KRT13: variants seen among roughly 807,000 people sequenced by gnomAD.
KRT13 encodes the protein keratin, type I cytoskeletal 13.
Under a neutral mutation model 40.6 loss-of-function variants are expected in KRT13, and 27 were observed. That is an observed-to-expected ratio of 0.67 (90% CI 0.49 to 0.92). The LOEUF (loss-of-function observed/expected upper bound fraction) is 0.92, where lower values mean the gene tolerates loss of function less well. Among genes scored for constraint, KRT13 ranks in the 40% least tolerant of loss-of-function variants. The pLI, the probability that KRT13 is intolerant of heterozygous loss-of-function variation, is 0.00. For missense variants in KRT13, 605 were observed against 611.5 expected (o/e 0.99, Z 0.11); for synonymous variants, 266 against 240.3 (o/e 1.11, Z -0.99).
chr17:41,503,555 G>A, intron 2 of KRT13, 88 bp downstream of exon 2: 7 of 1,524,208 alleles, frequency 4.6e-6, no homozygotes, highest in Non-Finnish European at 6.4e-6. Context: ...TCACTCCTGG[G>A]ATGCTCCAGT....
chr17:41,502,911 C>T (rs1226995384), intron 4 of KRT13, 26 bp downstream of exon 4: 1 of 1,612,558 alleles, frequency 6.2e-7, no homozygotes, highest in Non-Finnish European at 8.5e-7. Context: ...ATGGGATGGG[C>T]TATGTGGGGT....
intron 3 of KRT13, 44 bp from the exon 4 acceptor site, chr17:41,503,142 C>T: frequency 1.9e-6 from 3 of 1,611,948 alleles, no homozygotes; most frequent in Non-Finnish European, 2.5e-6. Flanking sequence ...ACTCATCCTC[C>T]CTCTCCTTGG....
intron 7 of KRT13, 147 bp downstream of exon 7, chr17:41,501,572 A>G: frequency 1.4e-6 from 2 of 1,388,352 alleles, no homozygotes; most frequent in East Asian, 5.0e-5. Context: ...CAGTGAGCGA[A>G]TGACCACTTC....
chr17:41,503,130 C>A (rs997422145), intron 3 of KRT13, 32 bp from the exon 4 acceptor site: 1 of 1,612,208 alleles, frequency 6.2e-7, no homozygotes, highest in Admixed American at 1.7e-5. Context: ...ATGTGTGAGG[C>A]TACTCATCCT....
rs200529637 is a variant in KRT13, at chr17:41,501,221, G to A, written c.*35C>T. The stretch of plus-strand genomic sequence containing the variant: ...AACTGCCGGCTCTCTCCTCCTCTGG[G>A]TGCTGAAGACAGAGGGAGGGGACGC... On this transcript the variant is annotated 3_prime_UTR_variant, in exon 8 of 8. Coordinates refer to ENST00000246635, the MANE Select transcript of KRT13 (RefSeq NM_153490.3). The A allele has an allele frequency of 4.2e-6, 6 of 1,435,736 alleles. No individual in the cohort carries two copies. The Admixed American group carries it at 5.9e-5, about 14-fold the overall frequency. 88.9% of individuals were successfully genotyped at this position (1,435,736 alleles called of 1,614,324 possible). A position where few individuals can be genotyped will look rare whatever the true frequency, so the allele number is the denominator to read the frequency against.
chr17:41,501,645 G>A, intron 7 of KRT13, 74 bp downstream of exon 7: 1 of 1,546,522 alleles, frequency 6.5e-7, no homozygotes. Flanking sequence ...CTCCCCGCCA[G>A]CTCCCACCCC....
chr17:41,502,292 G>T (rs1904877241), intron 6 of KRT13, 82 bp downstream of exon 6: 1 of 1,611,894 alleles, frequency 6.2e-7, no homozygotes, highest in Non-Finnish European at 8.5e-7. Flanking sequence ...ACATGAGGGG[G>T]TGGATCTCTA....
chr17:41,502,378 C>G lies in KRT13; in HGVS notation c.1240G>C (p.Ala414Pro). Residue 414 changes from alanine to proline, a missense_variant, in exon 6 of 8, where the codon GCC becomes CCC. Physicochemically the swap from Ala to Pro is conservative, Grantham distance 27. Transcript: ENST00000246635. ...TYRSLLEGQD[A>P]KMIGFPSSAG... ...AAGAGGCTGGAGAGGACCTACTTGGCGTCCTGGCCCTCGAGCAGGCTGCGG... is the reference window on the plus strand; with the variant it reads ...AAGAGGCTGGAGAGGACCTACTTGGGGTCCTGGCCCTCGAGCAGGCTGCGG... 6.2e-7 allele frequency: 1 copy of G among 1,614,178 alleles called. No homozygotes were observed. Among genetic ancestry groups the G allele is most frequent in the Non-Finnish European group, 8.5e-7 (1 of 1,180,046 alleles).
At position 41,502,429 on chromosome 17, in the gene KRT13, G is replaced by A. The variant is rs749009134; in HGVS notation, c.1189C>T (p.Arg397Cys). The A allele has an allele frequency of 1.2e-5, 19 of 1,614,106 alleles. No homozygotes were observed. The highest frequency in any genetic ancestry group is 6.7e-5 in the Admixed American group (4 of 60,012). Residue 397 changes from arginine to cysteine, a missense_variant, in exon 6 of 8, where the codon CGT becomes TGT. Transcript: ENST00000246635. ...TAGGTGGCGATCTCCTGCTCCAGAC[G>A]TGTCTTGATGTCCAGCAGCATCTTG... ...EYKMLLDIKTRLEQEIATYRS... is the reference protein window; with the variant it reads ...EYKMLLDIKTCLEQEIATYRS...
chr17:41,504,676 A>G (rs987863924), intron 1 of KRT13: 1 of 226,670 alleles, frequency 4.4e-6, no homozygotes, highest in Admixed American at 5.1e-5. Flanking sequence ...TTCCCAGGGC[A>G]ATGAATGAAC....
rs762270993 is a variant in KRT13, at chr17:41,502,496, C to A, written c.1122G>T (p.Leu374=). 4 of 1,614,064 alleles carry A rather than the reference C, an allele frequency of 2.5e-6. No homozygotes were observed. Among genetic ancestry groups the A allele is most frequent in the Non-Finnish European group, 2.5e-6 (3 of 1,180,056 alleles). The change falls in exon 6 of 8, where the codon CTG becomes CTT. Residue 374 remains leucine, a synonymous_variant. Transcript: ENST00000246635. The stretch of plus-strand genomic sequence containing the variant: ...ACTCCATCTCACTGCGGAGCTCGCT[C>A]AGCTGGGCCTCGATGCTGCTGATGA... ...QGLISSIEAQ[L]SELRSEMECQ...
chr17:41,503,082 C>T lies in KRT13; in HGVS notation c.752G>A (p.Ser251Asn), dbSNP rs1000713635. The T allele has an allele frequency of 4.3e-6, 7 of 1,614,096 alleles. No homozygotes were observed. The highest frequency in any genetic ancestry group is 5.9e-6 in the Non-Finnish European group (7 of 1,180,038). Residue 251 changes from serine (S) to asparagine (N), a missense_variant, in exon 4 of 8, where the codon AGC becomes AAC. Ser to Asn is a conservative substitution (Grantham distance 46, BLOSUM62 1). Transcript: ENST00000246635. ...GTTGACCTGGCCGACCACCTGGTTG[C>T]TAAATTCCTTCATCTCCTGTGGGGA... ...KNHEEEMKEFSNQVVGQVNVE... is the reference protein window; with the variant it reads ...KNHEEEMKEFNNQVVGQVNVE...
At chr17:41,501,493 C>T (rs892834988) in intron 7 of KRT13, 131 bp from the exon 8 acceptor site, 14 of 1,075,812 alleles carry the variant, frequency 1.3e-5, no homozygotes, top group South Asian at 6.8e-5. Flanking sequence ...TTATTGTCCC[C>T]AAAGATGGCT....
chr17:41,503,918 A>G, intron 1 of KRT13, 193 bp from the exon 2 acceptor site: 1 of 611,640 alleles, frequency 1.6e-6, no homozygotes. Flanking sequence ...AAAGCTTACA[A>G]ATTTGTGTTA....
chr17:41,501,587 C>G (rs964850239), intron 7 of KRT13, 132 bp downstream of exon 7: 8 of 1,463,812 alleles, frequency 5.5e-6, no homozygotes, highest in Non-Finnish European at 7.4e-6. Flanking sequence ...CACTTCCACC[C>G]CAGCTCTCCC....
chr17:41,502,627 G>T, intron 5 of KRT13, 33 bp from the exon 6 acceptor site: 1 of 1,613,070 alleles, frequency 6.2e-7, no homozygotes, highest in Non-Finnish European at 8.5e-7. Flanking sequence ...GTTACAGAGG[G>T]AGCCAGGCCA....
chr17:41,504,961 T>C (rs1905005333), intron 1 of KRT13, 95 bp downstream of exon 1: 2 of 1,450,478 alleles, frequency 1.4e-6, no homozygotes. Flanking sequence ...AGTTTGTGAA[T>C]TCCGTCCACA....
Position 41,503,364 on chromosome 17 carries a change from G to C in KRT13, c.658C>G (p.Leu220Val), listed in dbSNP as rs1904937444. 1.9e-6 allele frequency: 3 copies of C among 1,614,140 alleles called. No individual in the cohort carries two copies. The highest frequency in any genetic ancestry group is 2.7e-5 in the African/African-American group (2 of 74,956). ...GLRRVLDELTLSKTDLEMQIE... is the reference protein window; with the variant it reads ...GLRRVLDELTVSKTDLEMQIE... Reference sequence around the variant, plus strand: ...TGCATCTCCAGGTCAGTCTTAGACAGAGTGAGCTCATCCAGCACCCGGCGC... The same window carrying C: ...TGCATCTCCAGGTCAGTCTTAGACACAGTGAGCTCATCCAGCACCCGGCGC... Residue 220 changes from leucine to valine, a missense_variant, in exon 3 of 8, where the codon CTG becomes GTG. By Grantham distance (32) the Leu-to-Val change is conservative. Transcript: ENST00000246635.
In KRT13 at chr17:41,501,672, G is replaced by A. The variant is rs767440923; in HGVS notation, c.1270+47C>T. Reference sequence around the variant, plus strand: ...TCCCACCCCCATTGGGGCAGTGAATGGGAGGCTAACTCTGCCTCCCCCTAC... The same window carrying A: ...TCCCACCCCCATTGGGGCAGTGAATAGGAGGCTAACTCTGCCTCCCCCTAC... On this transcript the variant is annotated intron_variant, in intron 7 of 7. Coordinates refer to ENST00000246635, the MANE Select transcript of KRT13 (RefSeq NM_153490.3). The A allele has an allele frequency of 4.5e-6, 7 of 1,557,986 alleles. No homozygotes were observed. The South Asian group carries it at 8.3e-5, about 18-fold the overall frequency.
Sources: gnomAD v4.1 joint callset for allele counts on GRCh38, gnomAD v4.1.1 for gene constraint, MANE v1.5 for transcripts, NCBI Gene and HGNC (gene_info 2026-07-23, HGNC 2026-07-21) for gene names.